The following TXNRD1 variants were observed in gnomAD, a reference collection of about 807,000 sequenced individuals.
TXNRD1 encodes thioredoxin reductase 1.
A neutral mutation model predicts 80.3 loss-of-function variants in TXNRD1; 57 were observed. The ratio of observed to expected loss-of-function variants is 0.71; its 90% confidence interval spans 0.57 to 0.89. The LOEUF is 0.89. Ranked by LOEUF, TXNRD1 falls within the 40% of genes least tolerant of loss-of-function variation. The pLI, the probability that TXNRD1 is intolerant of heterozygous loss-of-function variation, is 0.00. For missense variants in TXNRD1, 730 were observed against 803.0 expected, an observed-to-expected ratio of 0.91 and a Z score of 1.10; for synonymous variants, 291 against 285.2, an observed-to-expected ratio of 1.02 and a Z score of -0.20.
At chr12:104,315,248 AC>A (rs1461126263) in intron 6 of TXNRD1, among the ~76,000 whole-genome samples, 2 of 152,212 alleles carry the variant, frequency 1.3e-5, no homozygotes, top group African/African-American at 2.4e-5. Flanking sequence ...AACCTCCCGA[AC>A]ATCATAGCTT....
chr12:104,292,359 C>T (rs982891029), intron 4 of TXNRD1, among the ~76,000 whole-genome samples: 2 of 151,542 alleles, frequency 1.3e-5, no homozygotes, highest in Non-Finnish European at 2.9e-5. Context: ...GAAGTAGACT[C>T]GGGAAAGAGC....
At chr12:104,296,554 A>G (rs1336614156) in intron 4 of TXNRD1, among the ~76,000 whole-genome samples, 1 of 152,238 alleles carries the variant, frequency 6.6e-6, no homozygotes, top group Non-Finnish European at 1.5e-5. Flanking sequence ...GAATACAGGC[A>G]TGTACCACCA....
intron 3 of TXNRD1, among the ~76,000 whole-genome samples, chr12:104,261,035 G>A (rs1310280507): frequency 1.3e-5 from 2 of 151,992 alleles, no homozygotes; most frequent in Non-Finnish European, 2.9e-5. Context: ...AGTGGCTAAG[G>A]AAGTTTTAAG....
At chr12:104,274,905 A>G (rs1036004309) in intron 3 of TXNRD1, among the ~76,000 whole-genome samples, 10 of 152,180 alleles carry the variant, frequency 6.6e-5, no homozygotes, top group Admixed American at 6.5e-4. Flanking sequence ...ACTTCTGGTC[A>G]GTGGTTTTCT....
chr12:104,216,388 C>T (rs1174738816), intron 1 of TXNRD1, among the ~76,000 whole-genome samples: 1 of 152,232 alleles, frequency 6.6e-6, no homozygotes, highest in African/African-American at 2.4e-5. Flanking sequence ...TCCGACACGC[C>T]TTCCCGGCCC....
chr12:104,311,994 ATATATATGTG>A (rs55769226), intron 5 of TXNRD1, among the ~76,000 whole-genome samples: 51 of 40,622 alleles, frequency 1.3e-3, no homozygotes, highest in Non-Finnish European at 2.0e-3. Flanking sequence ...AAAAATATAT[ATATATATGTG>A]TATATATATG....
chr12:104,234,981 G>C (rs2032705085), intron 1 of TXNRD1, among the ~76,000 whole-genome samples: 1 of 152,114 alleles, frequency 6.6e-6, no homozygotes, highest in Non-Finnish European at 1.5e-5. Context: ...TCTAACCTGG[G>C]AAAAGTTAAT....
At chr12:104,266,834 C>A (rs1019045836) in intron 3 of TXNRD1, among the ~76,000 whole-genome samples, 4 of 151,920 alleles carry the variant, frequency 2.6e-5, no homozygotes, top group Admixed American at 2.6e-4. Flanking sequence ...TGTTGGCGGG[C>A]ACCTGTAGTC....
intron 3 of TXNRD1, among the ~76,000 whole-genome samples, chr12:104,271,248 C>A (rs112439796): frequency 0.055 from 7,911 of 143,088 alleles, 253 homozygotes; most frequent in Middle Eastern, 0.14. Flanking sequence ...TGCAGTGGTG[C>A]GATCTGGGCT....
chr12:104,260,974 T>A (rs112436636), intron 3 of TXNRD1, among the ~76,000 whole-genome samples: 4 of 152,314 alleles, frequency 2.6e-5, no homozygotes, highest in African/African-American at 9.6e-5. Flanking sequence ...GTGGAAAACT[T>A]GTGTTTTTTG....
intron 7 of TXNRD1, among the ~76,000 whole-genome samples, chr12:104,318,270 G>A (rs892100149): frequency 6.6e-6 from 1 of 152,158 alleles, no homozygotes; most frequent in African/African-American, 2.4e-5. Context: ...GAGTTTGGAG[G>A]AAATGTGATA....
intron 5 of TXNRD1, among the ~76,000 whole-genome samples, chr12:104,311,935 C>G (rs916738710): frequency 6.6e-6 from 1 of 151,790 alleles, no homozygotes; most frequent in East Asian, 1.9e-4. Flanking sequence ...GAGCTGAGAT[C>G]GCACCATTGC....
At chr12:104,322,814 TA>T (rs1483781430) in intron 10 of TXNRD1, among the ~76,000 whole-genome samples, 119 of 151,980 alleles carry the variant, frequency 7.8e-4, no homozygotes, top group African/African-American at 2.8e-3. Flanking sequence ...TTTTTTAATT[TA>T]TTTTTTTATT....
chr12:104,261,049 C>A (rs987260835), intron 3 of TXNRD1, among the ~76,000 whole-genome samples: 1 of 151,418 alleles, frequency 6.6e-6, no homozygotes, highest in Non-Finnish European at 1.5e-5. Flanking sequence ...TTTTAAGAGT[C>A]TGTGATTTAA....
intron 1 of TXNRD1, among the ~76,000 whole-genome samples, chr12:104,236,940 T>G (rs2135689506): frequency 6.6e-6 from 1 of 152,048 alleles, no homozygotes; most frequent in East Asian, 1.9e-4. Context: ...TTTTTTGTCT[T>G]ACCACTCTTA....
chr12:104,252,836 G>A (rs369705591), intron 2 of TXNRD1, among the ~76,000 whole-genome samples: 12 of 149,466 alleles, frequency 8.0e-5, no homozygotes, highest in African/African-American at 3.0e-4. Flanking sequence ...CTGAGTAGCT[G>A]GGACTACAGG....
At chr12:104,279,133 A>G (rs2033823930) in intron 3 of TXNRD1, among the ~76,000 whole-genome samples, 1 of 152,230 alleles carries the variant, frequency 6.6e-6, no homozygotes, top group South Asian at 2.1e-4. Context: ...TCTTTTATGT[A>G]CTTAATAGTC....
At position 104,215,810 on chromosome 12, in the gene TXNRD1, G is replaced by C; in HGVS notation, c.8G>C (p.Cys3Ser). The C allele has an allele frequency of 1.9e-6, 3 of 1,560,870 alleles. No homozygotes were observed. Among genetic ancestry groups the C allele is most frequent in the Non-Finnish European group, 2.6e-6 (3 of 1,153,002 alleles). The change falls in exon 1 of 17, where the codon TGC (cysteine) becomes TCC (serine). Residue 3 changes from cysteine (C) to serine (S), a missense_variant. Coordinates refer to ENST00000525566, the MANE Select transcript of TXNRD1 (RefSeq NM_001093771.3). MGCAEGKAVAAAA... is the reference protein window; with the variant it reads MGSAEGKAVAAAA... ...CACAGGGCCTTGTGCGACATGGGCT[G>C]CGCCGAGGGCAAGGCAGTGGCGGCG...
intron 3 of TXNRD1, among the ~76,000 whole-genome samples, chr12:104,282,400 T>A (rs1470833565): frequency 6.6e-6 from 1 of 152,230 alleles, no homozygotes; most frequent in Non-Finnish European, 1.5e-5. Flanking sequence ...TTGGCTCTGA[T>A]TTAATTGGGA....
Sources: allele counts gnomAD v4.1 joint callset (sites outside exome capture counted in the v4.1 genomes callset), GRCh38; gene constraint gnomAD v4.1.1; transcripts MANE v1.5; gene names NCBI Gene and HGNC (gene_info 2026-07-23, HGNC 2026-07-21).